UTP6: variants seen among roughly 807,000 people sequenced by gnomAD.
UTP6 encodes U3 small nucleolar RNA-associated protein 6 homolog.
In UTP6, 60 loss-of-function variants were observed where a neutral mutation model predicts 96.5. That is an observed-to-expected ratio of 0.62 (90% CI 0.51 to 0.77). The LOEUF (loss-of-function observed/expected upper bound fraction) is 0.77. Ranked by LOEUF, UTP6 falls within the 30% of genes least tolerant of loss-of-function variation. The pLI is 0.00. For synonymous variants in UTP6, 215 were observed against 240.1 expected, an observed-to-expected ratio of 0.90 and a Z score of 0.96; for missense variants, 637 against 706.5, an observed-to-expected ratio of 0.90 and a Z score of 1.12.
intron 18 of UTP6, among the ~76,000 whole-genome samples, chr17:31,864,900 C>T (rs1173699627): frequency 6.6e-6 from 1 of 151,908 alleles, no homozygotes; most frequent in Non-Finnish European, 1.5e-5. Context: ...GACCCCTGAA[C>T]TTATGATCCT....
Position 31,886,060 on chromosome 17 carries a change from T to C in UTP6, c.623A>G (p.Glu208Gly). Residue 208 changes from glutamate (E) to glycine (G), a missense_variant and splice_region_variant, in exon 9 of 19, where the codon GAG (glutamate) becomes GGG (glycine). Glu to Gly is a moderately conservative substitution (Grantham distance 98). Coordinates refer to ENST00000261708, the MANE Select transcript of UTP6 (RefSeq NM_018428.3). ...GATTTCTTCAGAATAATCAGGATTC[T>C]CCTAAAGAGTGTTATATCAAACGTA... ...EEFEKASMDVENPDYSEEILK... is the reference protein window; with the variant it reads ...EEFEKASMDVGNPDYSEEILK... 1.2e-6 allele frequency: 2 copies of C among 1,611,790 alleles called. No individual in the cohort carries two copies. Among genetic ancestry groups the C allele is most frequent in the Non-Finnish European group, 1.7e-6 (2 of 1,179,530 alleles).
In UTP6 at chr17:31,901,571, C is replaced by T. The variant is rs78272471; in HGVS notation, c.57G>A (p.Leu19=). The change falls in exon 1 of 19, where the codon CTG becomes CTA. Residue 19 remains leucine (L), a synonymous_variant. Transcript: ENST00000261708. ...IEDRLPELEQ[L]ERIGLFSHAE... Reference sequence around the variant, plus strand: ...CATGACTGAACAGTCCAATGCGCTCCAGCTGTTCCAATTCCGGGAGCCGAT... The same window carrying T: ...CATGACTGAACAGTCCAATGCGCTCTAGCTGTTCCAATTCCGGGAGCCGAT... 3.5e-3 allele frequency: 5,719 copies of T among 1,614,068 alleles called. 188 individuals are homozygous for T. The African/African-American group carries it at 0.069, about 19-fold the overall frequency.
At chr17:31,885,364 C>T (rs995781054) in intron 9 of UTP6, among the ~76,000 whole-genome samples, 4 of 151,422 alleles carry the variant, frequency 2.6e-5, no homozygotes, top group African/African-American at 9.7e-5. Flanking sequence ...AGGCTGGTCG[C>T]AAACTCCTGA....
chr17:31,862,322 G>A lies in UTP6; in HGVS notation c.*1037C>T, dbSNP rs1344246039. ...AAAAAAAAAGACAGTCTAACCAGAGGATTAGTAAAATATATTATGGCTCAT... is the reference window on the plus strand; with the variant it reads ...AAAAAAAAAGACAGTCTAACCAGAGAATTAGTAAAATATATTATGGCTCAT... On this transcript the variant is annotated 3_prime_UTR_variant, in exon 19 of 19. Coordinates refer to ENST00000261708, the MANE Select transcript of UTP6 (RefSeq NM_018428.3). 2.0e-5 allele frequency: 3 copies of A among 152,114 alleles called. No individual in the cohort carries two copies. Among genetic ancestry groups the A allele is most frequent in the East Asian group, 3.9e-4 (2 of 5,172 alleles). The allele number at this position is 152,114 out of a possible 1,614,324, so 9.4% of individuals were successfully genotyped here.
At chr17:31,886,162 C>T in intron 8 of UTP6, 101 bp from the exon 9 acceptor site, 9 of 922,972 alleles carry the variant, frequency 9.8e-6, no homozygotes, top group Admixed American at 2.2e-5. Flanking sequence ...CATATGACCA[C>T]TGGTAAATCA....
intron 17 of UTP6, among the ~76,000 whole-genome samples, chr17:31,867,736 T>A (rs1391998184): frequency 5.3e-5 from 8 of 151,846 alleles, no homozygotes; most frequent in African/African-American, 1.9e-4. Flanking sequence ...GGTGGGCACA[T>A]CACGAGGTCA....
At position 31,900,077 on chromosome 17, in the gene UTP6, G is replaced by C. The variant is rs182498548; in HGVS notation, c.93-347C>G. ...GAAAATTGCTTGAACCTGGAAGGCG[G>C]AGGTTGCAGTAAGCCGAGATCGCGC... On this transcript the variant is annotated intron_variant, in intron 1 of 18. Coordinates refer to ENST00000261708, the MANE Select transcript of UTP6 (RefSeq NM_018428.3). Among the ~76,000 whole-genome samples the C allele has an allele frequency of 2.1e-3, 320 of 152,094 alleles. 2 individuals are homozygous for C. Among genetic ancestry groups the C allele is most frequent in the Middle Eastern group, 0.017 (5 of 294 alleles).
Position 31,863,253 on chromosome 17 carries a change from C to T in UTP6, c.*106G>A, listed in dbSNP as rs902795299. ...AAAGTGTGTCTCAAAACCAGACAGC[C>T]ATCTTGTCTGCCATCACTGAGCAAA... On this transcript the variant is annotated 3_prime_UTR_variant, in exon 19 of 19. Transcript: ENST00000261708. The T allele has an allele frequency of 1.4e-5, 16 of 1,155,344 alleles. No individual in the cohort carries two copies. In the South Asian group the frequency reaches 1.5e-4, roughly 11 times the overall value. The allele number at this position is 1,155,344 out of a possible 1,614,324, so 71.6% of individuals were successfully genotyped here. A position where few individuals can be genotyped will look rare whatever the true frequency, so the allele number is the denominator to read the frequency against.
At chr17:31,885,948 C>T (rs752583811) in intron 9 of UTP6, 32 bp downstream of exon 9, 2 of 1,577,502 alleles carry the variant, frequency 1.3e-6, no homozygotes, top group East Asian at 2.2e-5. Context: ...GTTTCACTTT[C>T]CTACCAAAAA....
At chr17:31,883,282 G>A (rs563081377) in intron 10 of UTP6, among the ~76,000 whole-genome samples, 1 of 150,508 alleles carries the variant, frequency 6.6e-6, no homozygotes, top group Non-Finnish European at 1.5e-5. Flanking sequence ...TAAATGCCAG[G>A]AAAATAGAAT....
intron 8 of UTP6, 103 bp downstream of exon 8, chr17:31,887,133 A>G (rs1911194564): frequency 9.1e-7 from 1 of 1,096,630 alleles, no homozygotes; most frequent in South Asian, 1.5e-5. Context: ...AAAAAAAAAG[A>G]AAAAAAAAGA....
In UTP6 at chr17:31,862,918, T is replaced by TA. The variant is rs1482769142; in HGVS notation, c.*440dup. 6.4e-6 allele frequency: 1 copy of TA among 156,718 alleles called. No homozygotes were observed. Among genetic ancestry groups the TA allele is most frequent in the Non-Finnish European group, 1.4e-5 (1 of 70,670 alleles). The allele number at this position is 156,718 out of a possible 1,614,324, so 9.7% of individuals were successfully genotyped here. A position where few individuals can be genotyped will look rare whatever the true frequency, so the allele number is the denominator to read the frequency against. ...CTGGCTCTTAGGTCGAGATTAGAGA[T>TA]ACTCATGCTTGACCTGGGATAATTT... On this transcript the variant is annotated 3_prime_UTR_variant, in exon 19 of 19. Coordinates refer to ENST00000261708, the MANE Select transcript of UTP6 (RefSeq NM_018428.3).
At chr17:31,872,505 CAA>C (rs1264145141) in intron 16 of UTP6, among the ~76,000 whole-genome samples, 1 of 128,896 alleles carries the variant, frequency 7.8e-6, no homozygotes. Flanking sequence ...CAGTCTCTAC[CAA>C]AAAAAAAAAA....
intron 17 of UTP6, chr17:31,866,529 C>T (rs1451152249): frequency 6.7e-6 from 1 of 149,864 alleles, no homozygotes; most frequent in Admixed American, 6.7e-5. Flanking sequence ...GTCAGGAGTT[C>T]AAGACCAGCC....
intron 2 of UTP6, among the ~76,000 whole-genome samples, chr17:31,897,321 C>G (rs182739971): frequency 2.0e-4 from 30 of 152,000 alleles, no homozygotes; most frequent in Non-Finnish European, 1.5e-5. Flanking sequence ...ATGGTCTTGG[C>G]TCATTTTGAG....
At chr17:31,893,830 C>T (rs1175196877) in intron 4 of UTP6, among the ~76,000 whole-genome samples, 1 of 151,180 alleles carries the variant, frequency 6.6e-6, no homozygotes, top group African/African-American at 2.4e-5. Context: ...GATCTCTTAA[C>T]TATGATAATT....
intron 2 of UTP6, among the ~76,000 whole-genome samples, chr17:31,897,713 T>G (rs759984855): frequency 3.3e-5 from 5 of 152,094 alleles, no homozygotes; most frequent in South Asian, 2.1e-4. Context: ...CCTCCCAAAG[T>G]GCTGGTATTA....
chr17:31,885,238 G>A (rs1251095944), intron 9 of UTP6, among the ~76,000 whole-genome samples: 10 of 151,830 alleles, frequency 6.6e-5, no homozygotes, highest in South Asian at 4.2e-4. Flanking sequence ...TCCACCTCCC[G>A]GGTTCAAGCA....
chr17:31,884,643 C>T (rs1292603315), intron 9 of UTP6, 138 bp from the exon 10 acceptor site: 2 of 657,890 alleles, frequency 3.0e-6, no homozygotes, highest in Non-Finnish European at 5.1e-6. Context: ...GAAGAAAAGT[C>T]ATCCCATAGT....
Sources: gnomAD v4.1 joint callset for allele counts (sites outside exome capture counted in the v4.1 genomes callset) on GRCh38, gnomAD v4.1.1 for gene constraint, MANE v1.5 for transcripts, NCBI Gene and HGNC (gene_info 2026-07-23, HGNC 2026-07-21) for gene names.